The following KRT39 variants were observed in gnomAD, a reference collection of about 807,000 sequenced individuals.
KRT39 encodes the protein keratin, type I cytoskeletal 39.
Under a neutral mutation model 54.8 loss-of-function variants are expected in KRT39, and 47 were observed. The observed-to-expected ratio is 0.86, with a 90% CI of 0.68 to 1.09. The LOEUF (loss-of-function observed/expected upper bound fraction) is 1.09, where lower values mean the gene tolerates loss of function less well. Ranked by LOEUF, KRT39 falls within the 50% of genes least tolerant of loss-of-function variation. KRT39 has a pLI of 0.00. For missense variants in KRT39, 580 were observed against 598.5 expected (o/e 0.97, Z 0.32); for synonymous variants, 207 against 227.9 (o/e 0.91, Z 0.83).
In KRT39 at chr17:40,963,629, C is replaced by G. The variant is rs749047908; in HGVS notation, c.706G>C (p.Glu236Gln). The change falls in exon 3 of 7, where the codon GAG (glutamate) becomes CAG (glutamine). Residue 236 changes from glutamate (E) to glutamine (Q), a missense_variant and splice_region_variant. By Grantham distance (29) the Glu-to-Gln change is conservative. Coordinates refer to ENST00000355612, the MANE Select transcript of KRT39 (RefSeq NM_213656.4). Reference sequence around the variant, plus strand: ...TACTCTATTGGTCTTTGTCTCACCTCTTTGTGGTTGTTCTTGAGGCAAAGG... The same window carrying G: ...TACTCTATTGGTCTTTGTCTCACCTGTTTGTGGTTGTTCTTGAGGCAAAGG... ...ELLCLKNNHK[E>Q]EINSLQCQLG... is the part of the protein sequence containing the mutation. The G allele has an allele frequency of 6.2e-7, 1 of 1,603,278 alleles. No individual in the cohort carries two copies. Among genetic ancestry groups the G allele is most frequent in the Non-Finnish European group, 8.5e-7 (1 of 1,171,422 alleles).
Position 40,958,594 on chromosome 17 carries a change from T to C in KRT39, c.*7A>G. On this transcript the variant is annotated 3_prime_UTR_variant, in exon 7 of 7. Coordinates refer to ENST00000355612, the MANE Select transcript of KRT39 (RefSeq NM_213656.4). ...TAAATGTGGGTCATTTTCATCACCT[T>C]GGGATGTTAGACTTTGGCAGGTCTG... is the stretch of plus-strand genomic sequence containing the variant. The C allele has an allele frequency of 5.6e-6, 9 of 1,598,394 alleles. No homozygotes were observed. The highest frequency in any genetic ancestry group is 7.7e-6 in the Non-Finnish European group (9 of 1,172,418).
At chr17:40,963,493 C>T in intron 3 of KRT39, 134 bp downstream of exon 3, 2 of 760,490 alleles carry the variant, frequency 2.6e-6, no homozygotes, top group Non-Finnish European at 4.1e-6. Flanking sequence ...ATTACCTACT[C>T]TCAGTTATTT....
At chr17:40,958,908 T>C in intron 6 of KRT39, 49 bp from the exon 7 acceptor site, 2 of 1,518,808 alleles carry the variant, frequency 1.3e-6, no homozygotes, top group Non-Finnish European at 1.8e-6. Context: ...AAGGCGATGA[T>C]GGTCATGGAG....
At chr17:40,961,657 C>T (rs1174405637) in intron 5 of KRT39, among the ~76,000 whole-genome samples, 1 of 152,146 alleles carries the variant, frequency 6.6e-6, no homozygotes, top group African/African-American at 2.4e-5. Flanking sequence ...CTGAAACTTA[C>T]CTTGGATTTG....
rs1199376229 is a variant in KRT39 at position 40,962,227 on chromosome 17, C to T, written c.931G>A (p.Glu311Lys). Residue 311 changes from glutamate to lysine, a missense_variant, in exon 5 of 7, where the codon GAG becomes AAG. Coordinates refer to ENST00000355612, the MANE Select transcript of KRT39 (RefSeq NM_213656.4). ...SSQQQQCCQK[E>K]IIELRRSVNT... Reference sequence around the variant, plus strand: ...ACACTGCGTCTCAGTTCTATGATCTCCTTTTGGCAGCATTGCTGCTGTTGA... The same window carrying T: ...ACACTGCGTCTCAGTTCTATGATCTTCTTTTGGCAGCATTGCTGCTGTTGA... The T allele has an allele frequency of 6.2e-7, 1 of 1,614,206 alleles. No individual in the cohort carries two copies. The highest frequency in any genetic ancestry group is 8.5e-7 in the Non-Finnish European group (1 of 1,180,026).
intron 5 of KRT39, among the ~76,000 whole-genome samples, chr17:40,960,935 G>A (rs962349965): frequency 2.0e-5 from 3 of 152,154 alleles, no homozygotes; most frequent in South Asian, 2.1e-4. Flanking sequence ...TTCAAGACCA[G>A]CCTGGCCAAG....
chr17:40,960,569 C>A, intron 5 of KRT39, 68 bp from the exon 6 acceptor site: 11 of 1,162,078 alleles, frequency 9.5e-6, no homozygotes, highest in African/African-American at 6.2e-5. Flanking sequence ...TGACCTGTAT[C>A]ATTTAAAAAA....
At chr17:40,962,670 G>T in intron 3 of KRT39, 107 bp from the exon 4 acceptor site, 2 of 908,832 alleles carry the variant, frequency 2.2e-6, no homozygotes, top group Non-Finnish European at 3.4e-6. Context: ...CTAAAATATA[G>T]CCCACAACAA....
chr17:40,965,161 G>A (rs1481211553), intron 1 of KRT39, among the ~76,000 whole-genome samples: 9 of 151,664 alleles, frequency 5.9e-5, no homozygotes, highest in South Asian at 4.2e-4. Context: ...CCGAGATCGC[G>A]CCACTGCACT....
chr17:40,962,380 T>C (rs760842448), intron 4 of KRT39, 22 bp downstream of exon 4: 7 of 1,613,042 alleles, frequency 4.3e-6, no homozygotes, highest in South Asian at 1.1e-5. Context: ...CTTATTGTTT[T>C]TGACTTTTCT....
At chr17:40,963,417 G>T (rs1911232185) in intron 3 of KRT39, among the ~76,000 whole-genome samples, 1 of 152,150 alleles carries the variant, frequency 6.6e-6, no homozygotes, top group South Asian at 2.1e-4. Flanking sequence ...AGCCATGATT[G>T]TAAGTTTCCT....
rs1911102248 is a variant in KRT39, at chr17:40,960,447, G to C, written c.1051C>G (p.Leu351Val). ...TETEARYTALLTQIQSLIDNL... is the reference protein window; with the variant it reads ...TETEARYTALVTQIQSLIDNL... ...TCAATCAGACTCTGGATCTGGGTCA[G>C]CAAGGCCGTGTAGCGAGCCTCTGTC... is the stretch of plus-strand genomic sequence containing the variant. Residue 351 changes from leucine (L) to valine (V), a missense_variant, in exon 6 of 7, where the codon CTG (leucine) becomes GTG (valine). Physicochemically the swap from Leu to Val is conservative, Grantham distance 32. Transcript: ENST00000355612. The C allele has an allele frequency of 6.2e-7, 1 of 1,613,978 alleles. No individual in the cohort carries two copies. Among genetic ancestry groups the C allele is most frequent in the African/African-American group, 1.3e-5 (1 of 74,890 alleles).
intron 1 of KRT39, among the ~76,000 whole-genome samples, chr17:40,966,039 C>T (rs762827107): frequency 6.7e-5 from 10 of 150,278 alleles, no homozygotes; most frequent in African/African-American, 1.7e-4. Flanking sequence ...TGTGCCACCA[C>T]GCCCATCTAA....
At chr17:40,964,560 G>A in intron 1 of KRT39, 32 bp from the exon 2 acceptor site, 2 of 1,439,674 alleles carry the variant, frequency 1.4e-6, no homozygotes, top group Non-Finnish European at 2.0e-6. Context: ...CACAAATGAA[G>A]CAAACACCAA....
Position 40,960,373 on chromosome 17 carries a change from C to G in KRT39, c.1125G>C (p.Gln375His). 2 of 1,614,094 alleles carry G rather than the reference C, an allele frequency of 1.2e-6. No homozygotes were observed. The highest frequency in any genetic ancestry group is 1.7e-6 in the Non-Finnish European group (2 of 1,180,012). Reference protein sequence around the residue: ...LAEIRCALERQNQEYEILLDV... With the variant: ...LAEIRCALERHNQEYEILLDV... ...CCAGCAGGATCTCGTATTCTTGGTT[C>G]TGTCTTTCCAGGGCACACCGGATCT... Residue 375 changes from glutamine (Q) to histidine (H), a missense_variant, in exon 6 of 7, where the codon CAG becomes CAC. Coordinates refer to ENST00000355612, the MANE Select transcript of KRT39 (RefSeq NM_213656.4).
intron 1 of KRT39, among the ~76,000 whole-genome samples, chr17:40,966,043 C>T (rs1911376879): frequency 6.7e-6 from 1 of 148,940 alleles, no homozygotes; most frequent in African/African-American, 2.5e-5. Flanking sequence ...CCACCACGCC[C>T]ATCTAATTTT....
At chr17:40,964,617 CAG>C in intron 1 of KRT39, 89 bp from the exon 2 acceptor site, 2 of 859,056 alleles carry the variant, frequency 2.3e-6, no homozygotes, top group South Asian at 1.4e-5. Flanking sequence ...TGTCAAGTAA[CAG>C]GGGAAGGCTA....
chr17:40,963,852 C>G (rs2143621866), intron 2 of KRT39, 69 bp from the exon 3 acceptor site: 1 of 1,306,366 alleles, frequency 7.7e-7, no homozygotes, highest in East Asian at 2.4e-5. Context: ...AAGCAGAACT[C>G]TCATCTGCAT....
chr17:40,964,202 A>G (rs1481004282), intron 2 of KRT39: 8 of 524,292 alleles, frequency 1.5e-5, no homozygotes, highest in Non-Finnish European at 2.4e-5. Context: ...TATTAGTCCT[A>G]TCTATTTTAC....
Sources: gnomAD v4.1 joint callset for allele counts (sites outside exome capture counted in the v4.1 genomes callset) on GRCh38, gnomAD v4.1.1 for gene constraint, MANE v1.5 for transcripts, NCBI Gene and HGNC (gene_info 2026-07-23, HGNC 2026-07-21) for gene names.